The following RGS7 variants were observed in gnomAD, a reference collection of about 807,000 sequenced individuals.
RGS7 encodes regulator of G protein signaling 7.
In RGS7, 27 loss-of-function variants were observed where a neutral mutation model predicts 81.1. The observed-to-expected ratio is 0.33, with a 90% CI of 0.25 to 0.46. RGS7 has a LOEUF of 0.46. Ranked by LOEUF, RGS7 falls within the 20% of genes least tolerant of loss-of-function variation. RGS7 has a pLI of 1.00. For synonymous variants in RGS7, 208 were observed against 207.7 expected (o/e 1.00, Z -0.01); for missense variants, 396 against 607.4 (o/e 0.65, Z 3.66).
At chr1:241,131,592 T>C (rs2067106345) in intron 2 of RGS7, among the ~76,000 whole-genome samples, 3 of 147,898 alleles carry the variant, frequency 2.0e-5, no homozygotes, top group African/African-American at 8.0e-5. Context: ...GTCTGGGAGC[T>C]GGGGGCAAAG....
At chr1:241,019,255 T>C (rs2059422216) in intron 3 of RGS7, among the ~76,000 whole-genome samples, 1 of 152,214 alleles carries the variant, frequency 6.6e-6, no homozygotes, top group Non-Finnish European at 1.5e-5. Flanking sequence ...TAGCATCTTC[T>C]GCTCCAAGTA....
At chr1:241,306,511 C>T (rs2080157273) in intron 2 of RGS7, among the ~76,000 whole-genome samples, 1 of 151,258 alleles carries the variant, frequency 6.6e-6, no homozygotes, top group Non-Finnish European at 1.5e-5. Context: ...AACACCCTCA[C>T]ATGGCCATGT....
intron 3 of RGS7, among the ~76,000 whole-genome samples, chr1:240,988,374 T>A (rs959099205): frequency 3.3e-5 from 5 of 152,072 alleles, no homozygotes; most frequent in Non-Finnish European, 7.4e-5. Flanking sequence ...CTTTAATTTT[T>A]AAATTAAACT....
chr1:240,838,335 A>G (rs1159189977), intron 9 of RGS7, among the ~76,000 whole-genome samples: 2 of 152,136 alleles, frequency 1.3e-5, no homozygotes, highest in Non-Finnish European at 2.9e-5. Flanking sequence ...CCTTCCAAAG[A>G]TCTTAGCTCC....
chr1:241,000,624 T>A (rs624331), intron 3 of RGS7, among the ~76,000 whole-genome samples: 1 of 151,722 alleles, frequency 6.6e-6, no homozygotes, highest in Non-Finnish European at 1.5e-5. Context: ...GCTAATTAAT[T>A]CCTCATTTAT....
At chr1:240,854,382 A>G (rs1403839439) in intron 9 of RGS7, among the ~76,000 whole-genome samples, 2 of 152,230 alleles carry the variant, frequency 1.3e-5, no homozygotes, top group Admixed American at 1.3e-4. Flanking sequence ...TGAATTCAGA[A>G]AAAAGCGTTA....
At chr1:241,283,847 T>A (rs932987869) in intron 2 of RGS7, among the ~76,000 whole-genome samples, 1 of 152,222 alleles carries the variant, frequency 6.6e-6, no homozygotes, top group Non-Finnish European at 1.5e-5. Context: ...GGGTAACTTC[T>A]ATTGTTCTAT....
At chr1:240,793,599 A>ATTT (rs1686400201) in intron 18 of RGS7, among the ~76,000 whole-genome samples, 1 of 100,946 alleles carries the variant, frequency 9.9e-6, no homozygotes, top group African/African-American at 6.5e-5. Context: ...ATATATATAT[A>ATTT]TATATATATA....
Position 241,066,321 on chromosome 1 carries a change from T to C in RGS7, c.175+32345A>G, listed in dbSNP as rs186840203. 3.8e-3 allele frequency among the ~76,000 whole-genome samples: 572 copies of C among 152,272 alleles called. 2 individuals are homozygous for C. The highest frequency in any genetic ancestry group is 0.013 in the African/African-American group (528 of 41,538). ...AAGCATCTACCCCATTCTAAGATGG[T>C]CCCTGCTCAAAGGGATCATGCTGAA... On this transcript the variant is annotated intron_variant, in intron 3 of 18. Transcript: ENST00000440928.
chr1:241,268,528 G>A (rs1482028497), intron 2 of RGS7, among the ~76,000 whole-genome samples: 1 of 152,192 alleles, frequency 6.6e-6, no homozygotes, highest in Non-Finnish European at 1.5e-5. Flanking sequence ...TGAGGTCTGA[G>A]TTCTTCCAAC....
intron 3 of RGS7, among the ~76,000 whole-genome samples, chr1:240,992,866 T>A (rs1339804840): frequency 2.2e-5 from 3 of 138,826 alleles, no homozygotes; most frequent in Non-Finnish European, 1.6e-5. Context: ...AAAAAAAATA[T>A]TAGCCGGGCA....
At position 241,354,834 on chromosome 1, in the gene RGS7, A is replaced by T. The variant is rs546180727; in HGVS notation, c.78+865T>A. Reference sequence around the variant, plus strand: ...ATATTGCCCAATAAGCACTCCAGATAATATACTCAAAAAATCATCTATAAA... The same window carrying T: ...ATATTGCCCAATAAGCACTCCAGATTATATACTCAAAAAATCATCTATAAA... On this transcript the variant is annotated intron_variant, in intron 2 of 18. Transcript: ENST00000440928. Among the ~76,000 whole-genome samples, 132 of 152,338 alleles carry T rather than the reference A, an allele frequency of 8.7e-4. 1 individual carries two copies. The highest frequency in any genetic ancestry group is 2.9e-3 in the African/African-American group (120 of 41,584).
chr1:241,071,497 G>GT (rs5782174), intron 3 of RGS7, among the ~76,000 whole-genome samples: 4,489 of 142,806 alleles, frequency 0.031, 73 homozygotes, highest in Middle Eastern at 0.058. Context: ...ATGTTTAAGT[G>GT]TTTTTTTTTT....
chr1:240,972,997 C>T (rs1455382036), intron 4 of RGS7, among the ~76,000 whole-genome samples: 4 of 151,362 alleles, frequency 2.6e-5, no homozygotes, highest in Non-Finnish European at 4.4e-5. Flanking sequence ...TGCAGCGGGC[C>T]GTGATTGTGC....
intron 3 of RGS7, among the ~76,000 whole-genome samples, chr1:241,009,439 T>C (rs182289018): frequency 3.5e-4 from 53 of 152,338 alleles, no homozygotes; most frequent in African/African-American, 1.3e-3. Flanking sequence ...CTCTTTCATT[T>C]ATTTCAGGTT....
At chr1:240,867,558 T>C (rs1346264870) in intron 9 of RGS7, among the ~76,000 whole-genome samples, 1 of 152,182 alleles carries the variant, frequency 6.6e-6, no homozygotes, top group Non-Finnish European at 1.5e-5. Context: ...CTGAGGCACG[T>C]AGTTTAACAT....
intron 2 of RGS7, among the ~76,000 whole-genome samples, chr1:241,305,401 T>C (rs2080030106): frequency 6.6e-6 from 1 of 152,132 alleles, no homozygotes; most frequent in African/African-American, 2.4e-5. Flanking sequence ...AATAAGCATG[T>C]CAGCTTCTTA....
intron 4 of RGS7, among the ~76,000 whole-genome samples, chr1:240,948,225 G>C (rs746627402): frequency 1.3e-5 from 2 of 152,156 alleles, no homozygotes; most frequent in African/African-American, 2.4e-5. Context: ...TTAAGCTCTA[G>C]GTAAGTATGG....
intron 2 of RGS7, among the ~76,000 whole-genome samples, chr1:241,143,271 AT>A: frequency 6.6e-6 from 1 of 152,300 alleles, no homozygotes; most frequent in South Asian, 2.1e-4. Flanking sequence ...ATGTTTGGGT[AT>A]CTTTTCAGCA....
Sources: gnomAD v4.1 joint callset for allele counts (sites outside exome capture counted in the v4.1 genomes callset) on GRCh38, gnomAD v4.1.1 for gene constraint, MANE v1.5 for transcripts, NCBI Gene and HGNC (gene_info 2026-07-23, HGNC 2026-07-21) for gene names.